The following SESTD1 variants were observed in gnomAD, a reference collection of about 807,000 sequenced individuals.
SESTD1 encodes the protein SEC14 domain and spectrin repeat-containing protein 1.
A neutral mutation model predicts 101.7 loss-of-function variants in SESTD1; 43 were observed. The ratio of observed to expected loss-of-function variants is 0.42; its 90% CI spans 0.33 to 0.55. SESTD1 has a LOEUF of 0.55. Among genes scored for constraint, SESTD1 ranks in the 20% least tolerant of loss-of-function variants. SESTD1 has a pLI of 0.07. For synonymous variants in SESTD1, 283 were observed against 286.8 expected (o/e 0.99, Z 0.13); for missense variants, 647 against 815.1 (o/e 0.79, Z 2.51).
At chr2:179,120,942 G>C (rs1172771208) in intron 13 of SESTD1, among the ~76,000 whole-genome samples, 1 of 152,148 alleles carries the variant, frequency 6.6e-6, no homozygotes, top group Non-Finnish European at 1.5e-5. Context: ...TAGAGAATGG[G>C]ATTTGATGGA....
chr2:179,117,519 G>A lies in SESTD1; in HGVS notation c.1524+13C>T, dbSNP rs370960887. ...GAAAAGTTAACTACATAATGTAGCT[G>A]ACTGCTCCTTACCTGGGCAGCATCT... On this transcript the variant is annotated intron_variant, in intron 14 of 17. Transcript: ENST00000428443. 3 of 1,556,972 alleles carry A rather than the reference G, an allele frequency of 1.9e-6. No individual in the cohort carries two copies. The highest frequency in any genetic ancestry group is 2.6e-6 in the Non-Finnish European group (3 of 1,159,622).
At chr2:179,112,916 C>G in intron 16 of SESTD1, 71 bp from the exon 17 acceptor site, 1 of 1,483,446 alleles carries the variant, frequency 6.7e-7, no homozygotes, top group Non-Finnish European at 8.9e-7. Context: ...GATCACCCCA[C>G]CCCACAAAAA....
chr2:179,163,050 C>T (rs114923360), intron 5 of SESTD1, among the ~76,000 whole-genome samples: 2 of 151,848 alleles, frequency 1.3e-5, no homozygotes, highest in African/African-American at 4.8e-5. Context: ...GATATATTTC[C>T]GTCCAGTGGA....
chr2:179,156,298 T>C (rs938566730), intron 5 of SESTD1, among the ~76,000 whole-genome samples: 1 of 152,180 alleles, frequency 6.6e-6, no homozygotes, highest in Admixed American at 6.5e-5. Flanking sequence ...TAAACACGCA[T>C]GTTCAAGTAT....
intron 14 of SESTD1, 71 bp downstream of exon 14, chr2:179,117,461 T>A (rs1196449444): frequency 7.4e-7 from 1 of 1,355,276 alleles, no homozygotes. Flanking sequence ...AAAGTACACT[T>A]TTGTTTGTAG....
intron 1 of SESTD1, among the ~76,000 whole-genome samples, chr2:179,238,719 C>T (rs572148227): frequency 7.2e-5 from 11 of 152,082 alleles, no homozygotes; most frequent in Middle Eastern, 3.4e-3. Flanking sequence ...GAGTATATGG[C>T]CCTAAAATAA....
intron 1 of SESTD1, among the ~76,000 whole-genome samples, chr2:179,213,799 A>C (rs2046682519): frequency 7.4e-6 from 1 of 135,846 alleles, no homozygotes. Flanking sequence ...AAACCCTACA[A>C]GCCAGAAAAG....
At chr2:179,222,934 TATTC>T (rs2046834768) in intron 1 of SESTD1, among the ~76,000 whole-genome samples, 2 of 152,184 alleles carry the variant, frequency 1.3e-5, no homozygotes, top group Non-Finnish European at 2.9e-5. Flanking sequence ...ACTATTATTC[TATTC>T]ATTAATTTTA....
intron 1 of SESTD1, among the ~76,000 whole-genome samples, chr2:179,241,276 G>C (rs1029923032): frequency 2.6e-5 from 4 of 152,072 alleles, no homozygotes; most frequent in African/African-American, 9.7e-5. Flanking sequence ...AGGAGAAAGG[G>C]AGGGGAGGAC....
At chr2:179,240,178 C>T (rs754320457) in intron 1 of SESTD1, among the ~76,000 whole-genome samples, 1 of 152,098 alleles carries the variant, frequency 6.6e-6, no homozygotes, top group Non-Finnish European at 1.5e-5. Context: ...CAGAGACACA[C>T]AGGAGTAGTT....
Position 179,103,259 on chromosome 2 carries a change from C to T in SESTD1, c.*6640G>A, listed in dbSNP as rs893746051. On this transcript the variant is annotated 3_prime_UTR_variant, in exon 18 of 18. Coordinates refer to ENST00000428443, the MANE Select transcript of SESTD1 (RefSeq NM_178123.5). The stretch of plus-strand genomic sequence containing the variant: ...TCCAATTGTCATCCTTGACCATGAA[C>T]AATGCCATTGTTATTCCAAACTCAC... 29 of 152,110 alleles carry T rather than the reference C, an allele frequency of 1.9e-4. No homozygotes were observed. Among genetic ancestry groups the T allele is most frequent in the Non-Finnish European group, 5.9e-5 (4 of 68,004 alleles). The allele number at this position is 152,110 out of a possible 1,614,324, so 9.4% of individuals were successfully genotyped here.
chr2:179,196,015 G>A (rs956702647), intron 1 of SESTD1, among the ~76,000 whole-genome samples: 15 of 152,142 alleles, frequency 9.9e-5, no homozygotes, highest in African/African-American at 1.4e-4. Context: ...CACAGAATAC[G>A]GGTGATTTCT....
At chr2:179,151,488 TGTTTCCAACA>T in intron 5 of SESTD1, 97 bp from the exon 6 acceptor site, 3 of 677,578 alleles carry the variant, frequency 4.4e-6, no homozygotes, top group Non-Finnish European at 7.1e-6. Context: ...TATGCAATAT[TGTTTCCAACA>T]TGATGACACA....
chr2:179,121,078 G>A (rs989870704), intron 13 of SESTD1, among the ~76,000 whole-genome samples: 13 of 152,146 alleles, frequency 8.5e-5, no homozygotes, highest in African/African-American at 2.9e-4. Flanking sequence ...TTGCAGATAT[G>A]AGGGAAGAAA....
rs1248045024 is a variant in SESTD1, at chr2:179,108,151, A to G, written c.*1748T>C. The stretch of plus-strand genomic sequence containing the variant: ...ACAAGTCTAGATTTCTGGACCAGGT[A>G]TGTAATCCAGAACATTGGTATAAAA... On this transcript the variant is annotated 3_prime_UTR_variant, in exon 18 of 18. Transcript: ENST00000428443. The G allele has an allele frequency of 1.3e-5, 2 of 152,208 alleles. No individual in the cohort carries two copies. Among genetic ancestry groups the G allele is most frequent in the South Asian group, 2.1e-4 (1 of 4,830 alleles). 9.4% of individuals were successfully genotyped at this position (152,208 alleles called of 1,614,324 possible).
chr2:179,217,936 C>T (rs2046749236), intron 1 of SESTD1, among the ~76,000 whole-genome samples: 1 of 151,228 alleles, frequency 6.6e-6, no homozygotes, highest in Non-Finnish European at 1.5e-5. Context: ...ACAACGAGAA[C>T]ACTTGGACAC....
chr2:179,110,470 T>G (rs2044483176), intron 17 of SESTD1, among the ~76,000 whole-genome samples: 1 of 152,216 alleles, frequency 6.6e-6, no homozygotes, highest in Non-Finnish European at 1.5e-5. Flanking sequence ...CAGATAAAAT[T>G]ATTAATTTTA....
At chr2:179,116,532 ATTT>A in intron 15 of SESTD1, 133 bp downstream of exon 15, 3 of 1,416,528 alleles carry the variant, frequency 2.1e-6, no homozygotes, top group Non-Finnish European at 3.0e-6. Context: ...ACCAGCTGAC[ATTT>A]TCTTAATTCT....
chr2:179,105,731 C>T lies in SESTD1; in HGVS notation c.*4168G>A, dbSNP rs2044368613. The T allele has an allele frequency of 6.6e-6, 1 of 152,076 alleles. No individual in the cohort carries two copies. The highest frequency in any genetic ancestry group is 6.6e-5 in the Admixed American group (1 of 15,260). 9.4% of individuals were successfully genotyped at this position (152,076 alleles called of 1,614,324 possible). On this transcript the variant is annotated 3_prime_UTR_variant, in exon 18 of 18. Coordinates refer to ENST00000428443, the MANE Select transcript of SESTD1 (RefSeq NM_178123.5). ...ACAATTCTTTATATCATATTTTATT[C>T]TTGAAATTGGTATGACTTCTCTGTT...
Sources: gnomAD v4.1 joint callset for allele counts (sites outside exome capture counted in the v4.1 genomes callset) on GRCh38, gnomAD v4.1.1 for gene constraint, MANE v1.5 for transcripts, NCBI Gene and HGNC (gene_info 2026-07-23, HGNC 2026-07-21) for gene names.